The following IGF2BP2 variants were observed in gnomAD, a reference collection of about 807,000 sequenced individuals.
IGF2BP2 encodes insulin like growth factor 2 mRNA binding protein 2.
Under a neutral mutation model 75.8 loss-of-function variants are expected in IGF2BP2, and 17 were observed. That is an observed-to-expected ratio of 0.22 (90% CI 0.15 to 0.34). The LOEUF (loss-of-function observed/expected upper bound fraction) is 0.34. Ranked by LOEUF, IGF2BP2 falls within the 10% of genes least tolerant of loss-of-function variation. The probability of loss-of-function intolerance (pLI) is 1.00; values close to 1 mark genes in which losing one functional copy is unlikely to be tolerated. For missense variants in IGF2BP2, 516 were observed against 772.4 expected, an observed-to-expected ratio of 0.67 and a Z score of 3.93; for synonymous variants, 288 against 295.6, an observed-to-expected ratio of 0.97 and a Z score of 0.26.
chr3:185,646,820 C>T lies in IGF2BP2; in HGVS notation c.1707+205G>A, dbSNP rs571850675. The T allele has an allele frequency of 2.6e-4, 155 of 590,168 alleles. 4 individuals are homozygous for T. The South Asian group carries it at 2.8e-3, about 11-fold the overall frequency. 36.6% of individuals were successfully genotyped at this position (590,168 alleles called of 1,614,324 possible). ...CTTCCCCAAGCTCCTAGCATACATA[C>T]CTCGGGGATGACAGTGGAGAGAAGT... is the stretch of plus-strand genomic sequence containing the variant. On this transcript the variant is annotated intron_variant, in intron 15 of 15. Coordinates refer to ENST00000382199, the MANE Select transcript of IGF2BP2 (RefSeq NM_006548.6).
intron 2 of IGF2BP2, among the ~76,000 whole-genome samples, chr3:185,701,394 A>G (rs1261901325): frequency 1.3e-5 from 2 of 151,384 alleles, no homozygotes; most frequent in Non-Finnish European, 2.9e-5. Flanking sequence ...GAAAGAAAGA[A>G]AGAAAGAAGA....
In IGF2BP2 at chr3:185,825,027, G is replaced by A; in HGVS notation, c.-67C>T. On this transcript the variant is annotated 5_prime_UTR_variant, in exon 1 of 16. Coordinates refer to ENST00000382199, the MANE Select transcript of IGF2BP2 (RefSeq NM_006548.6). The stretch of plus-strand genomic sequence containing the variant: ...CCCGGCGCTCCTCGCCTCCTCCGCT[G>A]CCCTCGTCTCTCCTCCTCCTCCGCC... 6.9e-6 allele frequency: 9 copies of A among 1,301,488 alleles called. No homozygotes were observed. The South Asian group carries it at 1.4e-4, about 20-fold the overall frequency. 80.6% of individuals were successfully genotyped at this position (1,301,488 alleles called of 1,614,324 possible). A position where few individuals can be genotyped will look rare whatever the true frequency, so the allele number is the denominator to read the frequency against.
At chr3:185,823,313 C>G in intron 1 of IGF2BP2, 100 bp from the exon 2 acceptor site, 10 of 883,728 alleles carry the variant, frequency 1.1e-5, no homozygotes, top group Non-Finnish European at 1.7e-5. Flanking sequence ...GCTCCGCCTT[C>G]GGGCGCCCCC....
At chr3:185,649,647 C>T (rs986396151) in intron 13 of IGF2BP2, 113 bp from the exon 14 acceptor site, 14 of 1,386,818 alleles carry the variant, frequency 1.0e-5, no homozygotes, top group Non-Finnish European at 7.9e-6. Context: ...CATTCCCACA[C>T]TCCCTGGGAC....
intron 2 of IGF2BP2, among the ~76,000 whole-genome samples, chr3:185,811,830 G>GTCTC (rs58208457): frequency 0.043 from 5,204 of 120,250 alleles, 167 homozygotes; most frequent in Non-Finnish European, 0.06. Context: ...AGAGTAGGGT[G>GTCTC]TCTCTCTCTC....
chr3:185,763,554 T>C (rs1732660204), intron 2 of IGF2BP2, among the ~76,000 whole-genome samples: 1 of 152,228 alleles, frequency 6.6e-6, no homozygotes, highest in Non-Finnish European at 1.5e-5. Context: ...GCATATTATG[T>C]GAATGTCACT....
chr3:185,644,713 T>C lies in IGF2BP2; in HGVS notation c.*818A>G, dbSNP rs1357176103. 6.6e-6 allele frequency: 1 copy of C among 152,166 alleles called. No homozygotes were observed. The highest frequency in any genetic ancestry group is 1.5e-5 in the Non-Finnish European group (1 of 67,992). 9.4% of individuals were successfully genotyped at this position (152,166 alleles called of 1,614,324 possible). A position where few individuals can be genotyped will look rare whatever the true frequency, so the allele number is the denominator to read the frequency against. On this transcript the variant is annotated 3_prime_UTR_variant, in exon 16 of 16. Coordinates refer to ENST00000382199, the MANE Select transcript of IGF2BP2 (RefSeq NM_006548.6). The stretch of plus-strand genomic sequence containing the variant: ...ATAAACAGAGAGAGACAGAGAATTA[T>C]ATAGCAGTATGCAAAAAACCAGTTT...
At chr3:185,715,166 G>A (rs2149436510) in intron 2 of IGF2BP2, among the ~76,000 whole-genome samples, 1 of 152,318 alleles carries the variant, frequency 6.6e-6, no homozygotes, top group South Asian at 2.1e-4. Context: ...GGAAAAGTGA[G>A]AGCATAGAGG....
At chr3:185,774,968 C>G (rs572270974) in intron 2 of IGF2BP2, among the ~76,000 whole-genome samples, 2 of 150,742 alleles carry the variant, frequency 1.3e-5, no homozygotes, top group Admixed American at 1.3e-4. Context: ...TGCAGTGAGC[C>G]CAGATTGTGC....
chr3:185,704,664 G>T (rs1237626634), intron 2 of IGF2BP2, among the ~76,000 whole-genome samples: 1 of 152,126 alleles, frequency 6.6e-6, no homozygotes, highest in Non-Finnish European at 1.5e-5. Context: ...TGCCTAGGCT[G>T]GTTTTGAATT....
chr3:185,732,124 C>CT (rs774529290), intron 2 of IGF2BP2, among the ~76,000 whole-genome samples: 3 of 152,290 alleles, frequency 2.0e-5, no homozygotes, highest in Non-Finnish European at 4.4e-5. Context: ...CCAGCCTCTC[C>CT]TCTCTGCCCC....
chr3:185,745,392 TAC>T (rs1383662419), intron 2 of IGF2BP2, among the ~76,000 whole-genome samples: 1 of 152,114 alleles, frequency 6.6e-6, no homozygotes. Context: ...TTTTCAAAAG[TAC>T]AGAGTTGCAG....
At chr3:185,700,057 G>A (rs900931248) in intron 2 of IGF2BP2, among the ~76,000 whole-genome samples, 27 of 152,110 alleles carry the variant, frequency 1.8e-4, no homozygotes, top group Middle Eastern at 3.4e-3. Flanking sequence ...ACTCATTTTG[G>A]GGGGTTGCCA....
In IGF2BP2 at chr3:185,670,037, T is replaced by C. The variant is rs983701338; in HGVS notation, c.1200+2504A>G. ...AAGGAGATGTCTGCAGAAGCCATCA[T>C]GTCTCAGTCAGTCAGTGTACTGGAT... On this transcript the variant is annotated intron_variant, in intron 10 of 15. Transcript: ENST00000382199. Among the ~76,000 whole-genome samples, 3 of 152,338 alleles carry C rather than the reference T, an allele frequency of 2.0e-5. No homozygotes were observed. In the South Asian group the frequency reaches 6.2e-4, roughly 32 times the overall value.
intron 2 of IGF2BP2, among the ~76,000 whole-genome samples, chr3:185,723,821 T>C (rs1255935823): frequency 6.6e-6 from 1 of 151,988 alleles, no homozygotes; most frequent in African/African-American, 2.4e-5. Flanking sequence ...ATACCTAGCC[T>C]TGAGGGAGGG....
At chr3:185,678,238 C>T (rs184482980) in intron 7 of IGF2BP2, among the ~76,000 whole-genome samples, 7 of 152,266 alleles carry the variant, frequency 4.6e-5, no homozygotes, top group South Asian at 2.1e-4. Flanking sequence ...AAGGAGCTTC[C>T]GTAACACTAT....
intron 2 of IGF2BP2, among the ~76,000 whole-genome samples, chr3:185,711,002 A>G (rs1221960024): frequency 6.6e-6 from 1 of 152,216 alleles, no homozygotes; most frequent in African/African-American, 2.4e-5. Flanking sequence ...TTTAAATACA[A>G]TAAAAACTAC....
intron 1 of IGF2BP2, among the ~76,000 whole-genome samples, chr3:185,823,450 G>A (rs1741626078): frequency 6.6e-6 from 1 of 152,186 alleles, no homozygotes; most frequent in Non-Finnish European, 1.5e-5. Flanking sequence ...TATAGCCGTG[G>A]GTGGCATTAC....
chr3:185,713,862 G>A lies in IGF2BP2; in HGVS notation c.240-15515C>T, dbSNP rs568478015. ...ATTACAGGCACCCACCACCACACCC[G>A]GCTAATTTTTGTGTTTTTAGTAGAG... is the stretch of plus-strand genomic sequence containing the variant. On this transcript the variant is annotated intron_variant, in intron 2 of 15. Coordinates refer to ENST00000382199, the MANE Select transcript of IGF2BP2 (RefSeq NM_006548.6). Among the ~76,000 whole-genome samples, 180 of 152,124 alleles carry A rather than the reference G, an allele frequency of 1.2e-3. 1 individual carries two copies. Among genetic ancestry groups the A allele is most frequent in the Non-Finnish European group, 2.0e-3 (137 of 68,002 alleles).
Sources: gnomAD v4.1 joint callset for allele counts (sites outside exome capture counted in the v4.1 genomes callset) on GRCh38, gnomAD v4.1.1 for gene constraint, MANE v1.5 for transcripts, NCBI Gene and HGNC (gene_info 2026-07-23, HGNC 2026-07-21) for gene names.